CCBE1: variants seen among roughly 807,000 people sequenced by gnomAD.
CCBE1 encodes collagen and calcium binding EGF domains 1.
Under a neutral mutation model 50.0 loss-of-function variants are expected in CCBE1, and 37 were observed. The observed-to-expected ratio is 0.74, with a 90% confidence interval of 0.57 to 0.97. The LOEUF is 0.97. Among genes scored for constraint, CCBE1 ranks in the 50% least tolerant of loss-of-function variants. The pLI is 0.00. For synonymous variants in CCBE1, 234 were observed against 203.7 expected (o/e 1.15, Z -1.27); for missense variants, 538 against 523.8 (o/e 1.03, Z -0.26).
At chr18:59,547,096 A>AAAGAGGG (rs1444960328) in intron 2 of CCBE1, among the ~76,000 whole-genome samples, 1 of 93,438 alleles carries the variant, frequency 1.1e-5, no homozygotes, top group African/African-American at 4.2e-5. Context: ...AGAGAGAGGG[A>AAAGAGGG]GGTAGGGAGA....
intron 3 of CCBE1, among the ~76,000 whole-genome samples, chr18:59,477,565 T>TGTGTGTGC (rs398059300): frequency 2.1e-4 from 30 of 146,082 alleles, no homozygotes; most frequent in Non-Finnish European, 3.8e-4. Flanking sequence ...TGTGTGTGTG[T>TGTGTGTGC]GCACCTGCAT....
upstream of CCBE1, chr18:59,697,475 C>T (rs748977738): frequency 1.3e-4 from 159 of 1,208,050 alleles, no homozygotes; most frequent in Non-Finnish European, 1.6e-4. Flanking sequence ...ACCACCTGCA[C>T]GGGGAGCAGG....
chr18:59,469,734 T>C (rs2143733335), intron 3 of CCBE1, 127 bp from the exon 4 acceptor site: 1 of 1,257,910 alleles, frequency 7.9e-7, no homozygotes, highest in Non-Finnish European at 1.1e-6. Context: ...ACAGATATAC[T>C]TGGAGGGACA....
chr18:59,441,619 G>C (rs947211501), intron 7 of CCBE1, among the ~76,000 whole-genome samples: 1 of 152,180 alleles, frequency 6.6e-6, no homozygotes, highest in Non-Finnish European at 1.5e-5. Flanking sequence ...GAACGGTGCT[G>C]TTGGAAAAGA....
chr18:59,688,397 G>C (rs1166858108), intron 2 of CCBE1: 2 of 152,302 alleles, frequency 1.3e-5, no homozygotes, highest in Non-Finnish European at 2.9e-5. Flanking sequence ...AGTGAGATAT[G>C]ATTGCACCAC....
intron 2 of CCBE1, among the ~76,000 whole-genome samples, chr18:59,548,260 T>G (rs915208172): frequency 6.6e-6 from 1 of 152,334 alleles, no homozygotes; most frequent in South Asian, 2.1e-4. Context: ...GATATCTTTG[T>G]TAGGAGAGCA....
At chr18:59,471,764 G>A (rs1165821993) in intron 3 of CCBE1, among the ~76,000 whole-genome samples, 1 of 152,182 alleles carries the variant, frequency 6.6e-6, no homozygotes, top group African/African-American at 2.4e-5. Flanking sequence ...GATACAGACA[G>A]GGAGGCTGGA....
chr18:59,543,799 C>A (rs1598996368), intron 2 of CCBE1, among the ~76,000 whole-genome samples: 1 of 132,740 alleles, frequency 7.5e-6, no homozygotes. Context: ...CGCGCCACTG[C>A]ACTCCAGGCT....
chr18:59,600,025 G>A (rs1232259751), intron 2 of CCBE1, among the ~76,000 whole-genome samples: 1 of 152,146 alleles, frequency 6.6e-6, no homozygotes, highest in African/African-American at 2.4e-5. Context: ...CGTCATTCCA[G>A]AGTAAGAGCC....
At position 59,488,365 on chromosome 18, in the gene CCBE1, C is replaced by T. The variant is rs542011595; in HGVS notation, c.213-8127G>A. 9.5e-4 allele frequency among the ~76,000 whole-genome samples: 144 copies of T among 152,308 alleles called. 1 individual carries two copies. Among genetic ancestry groups the T allele is most frequent in the African/African-American group, 3.1e-3 (127 of 41,568 alleles). On this transcript the variant is annotated intron_variant, in intron 2 of 10. Transcript: ENST00000439986. ...AATGTACAGTTATTTTTGCCACACA[C>T]ACATACACGCAACAATTAAGTGAAG...
chr18:59,511,314 A>G (rs913589026), intron 2 of CCBE1, among the ~76,000 whole-genome samples: 5 of 152,232 alleles, frequency 3.3e-5, no homozygotes, highest in African/African-American at 9.6e-5. Context: ...GATGGCATTT[A>G]ATCAGAATGA....
rs1909990721 is a variant in CCBE1 at position 59,432,873 on chromosome 18, A to G, written c.*3035T>C. ...TTCTAAATACAGTTCACTGTCAAAG[A>G]AAAGGTATTAAAATTCTTCTTTTAA... On this transcript the variant is annotated 3_prime_UTR_variant, in exon 11 of 11. Transcript: ENST00000439986. 6.6e-6 allele frequency: 1 copy of G among 152,066 alleles called. No homozygotes were observed. Among genetic ancestry groups the G allele is most frequent in the African/African-American group, 2.4e-5 (1 of 41,322 alleles). 9.4% of individuals were successfully genotyped at this position (152,066 alleles called of 1,614,324 possible). A position where few individuals can be genotyped will look rare whatever the true frequency, so the allele number is the denominator to read the frequency against.
At chr18:59,512,933 C>T (rs1298789710) in intron 2 of CCBE1, among the ~76,000 whole-genome samples, 4 of 152,156 alleles carry the variant, frequency 2.6e-5, no homozygotes, top group Admixed American at 2.0e-4. Flanking sequence ...CAGAGCACCT[C>T]TACGACAGGA....
At chr18:59,577,821 A>G (rs908636133) in intron 2 of CCBE1, among the ~76,000 whole-genome samples, 5 of 152,212 alleles carry the variant, frequency 3.3e-5, no homozygotes, top group Non-Finnish European at 5.9e-5. Context: ...TCAATAGAAG[A>G]TGCCTGTTTT....
At chr18:59,607,400 A>G (rs1236710564) in intron 2 of CCBE1, among the ~76,000 whole-genome samples, 4 of 152,166 alleles carry the variant, frequency 2.6e-5, no homozygotes, top group African/African-American at 9.7e-5. Flanking sequence ...CTCACTATTT[A>G]CCATTATTGT....
intron 2 of CCBE1, among the ~76,000 whole-genome samples, chr18:59,566,344 A>G (rs1449202147): frequency 2.0e-5 from 3 of 152,238 alleles, no homozygotes; most frequent in Admixed American, 1.3e-4. Flanking sequence ...CAGCAAGGAA[A>G]CAATATGGAG....
intron 3 of CCBE1, among the ~76,000 whole-genome samples, chr18:59,475,158 C>T (rs1422912424): frequency 1.3e-5 from 2 of 152,190 alleles, no homozygotes; most frequent in East Asian, 3.8e-4. Flanking sequence ...TTTCTATCCT[C>T]TCTGTCCTAT....
At chr18:59,657,879 A>AAAC (rs1247069510) in intron 2 of CCBE1, among the ~76,000 whole-genome samples, 5 of 129,680 alleles carry the variant, frequency 3.9e-5, no homozygotes, top group African/African-American at 1.9e-4. Flanking sequence ...CAACAACAAC[A>AAAC]AACAACAACA....
intron 2 of CCBE1, among the ~76,000 whole-genome samples, chr18:59,510,673 C>T (rs926640770): frequency 7.2e-5 from 11 of 152,298 alleles, no homozygotes; most frequent in East Asian, 3.9e-4. Context: ...CCACCTGCCT[C>T]GGCCTCCCAA....
Sources: allele counts gnomAD v4.1 joint callset (sites outside exome capture counted in the v4.1 genomes callset), GRCh38; gene constraint gnomAD v4.1.1; transcripts MANE v1.5; gene names NCBI Gene and HGNC (gene_info 2026-07-23, HGNC 2026-07-21).